The following CMYA5 variants were observed in gnomAD, a reference collection of about 807,000 sequenced individuals.
The protein encoded by CMYA5 is cardiomyopathy-associated protein 5.
Under a neutral mutation model 318.9 loss-of-function variants are expected in CMYA5, and 246 were observed. That is an observed-to-expected ratio of 0.77 (90% confidence interval 0.70 to 0.86). The LOEUF is 0.86. Ranked by LOEUF, CMYA5 falls within the 40% of genes least tolerant of loss-of-function variation. The pLI, the probability that CMYA5 is intolerant of heterozygous loss-of-function variation, is 0.00. For missense variants in CMYA5, 4,589 were observed against 4,678.2 expected, an observed-to-expected ratio of 0.98 and a Z score of 0.56; for synonymous variants, 1,641 against 1,729.5, an observed-to-expected ratio of 0.95 and a Z score of 1.27.
At position 79,799,634 on chromosome 5, in the gene CMYA5, T is replaced by A; in HGVS notation, c.*18T>A. ...ACAAGTGATCCTTGGCTTTCAGAAT[T>A]TGCAAGAACAGCGATTTGAATTTTG... is the stretch of plus-strand genomic sequence containing the variant. On this transcript the variant is annotated 3_prime_UTR_variant, in exon 13 of 13. Transcript: ENST00000446378. 1 of 1,596,910 alleles carries A rather than the reference T, an allele frequency of 6.3e-7. No homozygotes were observed. Among genetic ancestry groups the A allele is most frequent in the Non-Finnish European group, 8.6e-7 (1 of 1,168,202 alleles).
intron 9 of CMYA5, 110 bp downstream of exon 9, chr5:79,763,319 C>T (rs570233021): frequency 3.0e-6 from 3 of 985,050 alleles, no homozygotes; most frequent in East Asian, 2.6e-5. Context: ...CGTCTAAAAT[C>T]CTGCTGAGCT....
intron 1 of CMYA5, among the ~76,000 whole-genome samples, chr5:79,721,352 A>C (rs1474044416): frequency 1.3e-5 from 2 of 151,912 alleles, no homozygotes; most frequent in Non-Finnish European, 2.9e-5. Flanking sequence ...AAATAAGGCA[A>C]GATAGGAGAG....
rs566173201 is a variant in CMYA5 at position 79,719,387 on chromosome 5, C to T, written c.150-9528C>T. Among the ~76,000 whole-genome samples the T allele has an allele frequency of 9.2e-5, 14 of 152,282 alleles. No homozygotes were observed. In the South Asian group the frequency reaches 1.9e-3, roughly 20 times the overall value. On this transcript the variant is annotated intron_variant, in intron 1 of 12. Transcript: ENST00000446378. Reference sequence around the variant, plus strand: ...TAGGTGTGCCTAGGAAGGTTGATCACAGCCTAAACAGGAAACAGGAATTTT... The same window carrying T: ...TAGGTGTGCCTAGGAAGGTTGATCATAGCCTAAACAGGAAACAGGAATTTT...
At chr5:79,694,404 T>C (rs1186414886) in intron 1 of CMYA5, among the ~76,000 whole-genome samples, 1 of 152,248 alleles carries the variant, frequency 6.6e-6, no homozygotes, top group Non-Finnish European at 1.5e-5. Context: ...GTTACTTTTG[T>C]ATTTCTCTTG....
At chr5:79,718,504 G>A (rs1271186302) in intron 1 of CMYA5, among the ~76,000 whole-genome samples, 2 of 152,032 alleles carry the variant, frequency 1.3e-5, no homozygotes, top group Admixed American at 6.6e-5. Flanking sequence ...AAAGATATCC[G>A]ACCTATTACA....
chr5:79,771,781 G>A (rs1828860422), intron 9 of CMYA5, among the ~76,000 whole-genome samples: 1 of 152,168 alleles, frequency 6.6e-6, no homozygotes, highest in Non-Finnish European at 1.5e-5. Context: ...GATGGAGTGA[G>A]GGTATGGAGT....
In CMYA5 at chr5:79,734,907, T is replaced by C. The variant is rs1828016297; in HGVS notation, c.6142T>C (p.Phe2048Leu). Residue 2048 changes from phenylalanine (F) to leucine (L), a missense_variant, in exon 2 of 13, where the codon TTC (phenylalanine) becomes CTC (leucine). Around this residue, in one of 3 missense-constraint regions of CMYA5, gnomAD observed 2,431 missense variants for 2,495.1 expected, o/e 0.97. Transcript: ENST00000446378. ...EKIKLPPERFFQKPVSGLSVE... is the reference protein window; with the variant it reads ...EKIKLPPERFLQKPVSGLSVE... ...AATTAAACTACCTCCTGAAAGATTC[T>C]TCCAGAAACCAGTGTCTGGCCTATC... is the stretch of plus-strand genomic sequence containing the variant. 1 of 1,613,714 alleles carries C rather than the reference T, an allele frequency of 6.2e-7. No individual in the cohort carries two copies. The highest frequency in any genetic ancestry group is 1.3e-5 in the African/African-American group (1 of 74,898).
At chr5:79,773,328 A>T (rs1828887185) in intron 9 of CMYA5, among the ~76,000 whole-genome samples, 1 of 152,254 alleles carries the variant, frequency 6.6e-6, no homozygotes, top group African/African-American at 2.4e-5. Context: ...GGAAAAAAAT[A>T]AATTGTGCCA....
At chr5:79,716,738 A>G (rs912384125) in intron 1 of CMYA5, among the ~76,000 whole-genome samples, 3 of 152,236 alleles carry the variant, frequency 2.0e-5, no homozygotes, top group African/African-American at 7.2e-5. Context: ...GATTGTGTCT[A>G]GTGACGCTGT....
intron 2 of CMYA5, among the ~76,000 whole-genome samples, chr5:79,742,097 T>C (rs1368867176): frequency 3.9e-5 from 5 of 127,278 alleles, no homozygotes; most frequent in Admixed American, 3.8e-4. Context: ...TTCTTCTTCT[T>C]CTTTCTTCTT....
chr5:79,772,640 C>T (rs1828875566), intron 9 of CMYA5, among the ~76,000 whole-genome samples: 1 of 152,218 alleles, frequency 6.6e-6, no homozygotes, highest in Non-Finnish European at 1.5e-5. Context: ...GCCTCAATAT[C>T]TTATTCCCTA....
chr5:79,728,536 G>A (rs1462101603), intron 1 of CMYA5, among the ~76,000 whole-genome samples: 5 of 152,104 alleles, frequency 3.3e-5, no homozygotes, highest in African/African-American at 4.8e-5. Flanking sequence ...GGTGGCGATC[G>A]TGGTAACAGA....
rs61657639 is a variant in CMYA5 at position 79,709,960 on chromosome 5, C to CAAAAAA, written c.150-18932_150-18927dup. Among the ~76,000 whole-genome samples, 167 of 24,248 alleles carry CAAAAAA rather than the reference C, an allele frequency of 6.9e-3. 1 individual carries two copies. Among genetic ancestry groups the CAAAAAA allele is most frequent in the East Asian group, 0.017 (9 of 528 alleles). 15.9% of individuals were successfully genotyped at this position (24,248 alleles called of 152,430 possible). On this transcript the variant is annotated intron_variant, in intron 1 of 12. Transcript: ENST00000446378. ...TGGGTGACAGAGTGAGACTCCATCT[C>CAAAAAA]AAAAAAAAAAAAAAAAAAAAAAAAA... is the stretch of plus-strand genomic sequence containing the variant.
chr5:79,759,419 A>G (rs1028268054), intron 7 of CMYA5, among the ~76,000 whole-genome samples: 9 of 152,220 alleles, frequency 5.9e-5, no homozygotes, highest in Non-Finnish European at 1.5e-5. Context: ...AAGCCACAAG[A>G]TTCATTCAGT....
rs1208567384 is a variant in CMYA5, at chr5:79,737,208, G to A, written c.8443G>A (p.Val2815Ile). 6.2e-7 allele frequency: 1 copy of A among 1,613,666 alleles called. No individual in the cohort carries two copies. The highest frequency in any genetic ancestry group is 8.5e-7 in the Non-Finnish European group (1 of 1,179,786). The part of the protein sequence containing the change: ...SETPPYLLSP[V>I]KPQTLASGAS... ...AACACCGCCATATTTGCTGTCACCTGTAAAACCACAAACTCTTGCTTCAGG... is the reference window on the plus strand; with the variant it reads ...AACACCGCCATATTTGCTGTCACCTATAAAACCACAAACTCTTGCTTCAGG... The change falls in exon 2 of 13, where the codon GTA (valine) becomes ATA (isoleucine). Residue 2815 changes from valine to isoleucine, a missense_variant. Physicochemically the swap from Val to Ile is conservative, Grantham distance 29 (BLOSUM62 3). This residue lies in a region of CMYA5 where 2,431 missense variants were observed against 2,495.1 expected (regional missense o/e 0.97). Coordinates refer to ENST00000446378, the MANE Select transcript of CMYA5 (RefSeq NM_153610.5).
In CMYA5 at chr5:79,735,364, AAG is replaced by A. The variant is rs778979426; in HGVS notation, c.6601_6602del (p.Asp2201LeufsTer19). ...CCAGATAACAAAGTTGCTGAACAAG[AAG>A]ACTTAGAAACACAGCCAAGTCCATC... On this transcript the variant is annotated frameshift_variant, in exon 2 of 13. Transcript: ENST00000446378. LOFTEE classifies it high-confidence loss of function. The A allele has an allele frequency of 5.0e-6, 8 of 1,613,704 alleles. No individual in the cohort carries two copies. The African/African-American group carries it at 1.1e-4, about 22-fold the overall frequency.
intron 4 of CMYA5, 94 bp from the exon 5 acceptor site, chr5:79,746,994 GGTT>G (rs1379384231): frequency 6.7e-6 from 5 of 747,248 alleles, no homozygotes; most frequent in East Asian, 2.7e-5. Flanking sequence ...TAATGCTCCT[GGTT>G]GTTTTTTCTT....
At chr5:79,776,256 G>A (rs1828937558) in intron 9 of CMYA5, among the ~76,000 whole-genome samples, 1 of 152,180 alleles carries the variant, frequency 6.6e-6, no homozygotes. Context: ...GCTTACCATC[G>A]AGTCTCATAA....
In CMYA5 at chr5:79,730,284, GAAGA is replaced by G. The variant is rs766006024; in HGVS notation, c.1522_1525del (p.Glu508Ter). On this transcript the variant is annotated frameshift_variant, in exon 2 of 13. Transcript: ENST00000446378. LOFTEE classifies it high-confidence loss of function. ...TCTAATGTTAGAAGAACCAGAGAAA[GAAGA>G]AATAGAAACTTCCCTACCCATAGCT... 1.7e-5 allele frequency: 27 copies of G among 1,613,782 alleles called. No individual in the cohort carries two copies. In the South Asian group the frequency reaches 3.0e-4, roughly 18 times the overall value.
Sources: gnomAD v4.1 joint callset for allele counts (sites outside exome capture counted in the v4.1 genomes callset) on GRCh38, gnomAD v4.1.1 for gene constraint, gnomAD v4.1.1 regional missense constraint, MANE v1.5 for transcripts, NCBI Gene and HGNC (gene_info 2026-07-23, HGNC 2026-07-21) for gene names.